Variants in PDHX observed in about 807,000 individuals in gnomAD.
The protein encoded by PDHX is pyruvate dehydrogenase complex component X.
In PDHX, 33 loss-of-function variants were observed where a neutral mutation model predicts 55.3. The ratio of observed to expected loss-of-function variants is 0.60; its 90% CI spans 0.45 to 0.80. The LOEUF (loss-of-function observed/expected upper bound fraction) is 0.80, where lower values mean the gene tolerates loss of function less well. Ranked by LOEUF, PDHX falls within the 30% of genes least tolerant of loss-of-function variation. The pLI, the probability that PDHX is intolerant of heterozygous loss-of-function variation, is 0.00. For synonymous variants in PDHX, 226 were observed against 219.4 expected (o/e 1.03, Z -0.27); for missense variants, 622 against 619.9 (o/e 1.00, Z -0.04).
chr11:34,947,608 TA>T lies in PDHX; in HGVS notation c.342+4del. On this transcript the variant is annotated splice_donor_region_variant and intron_variant, in intron 3 of 10. Coordinates refer to ENST00000227868, the MANE Select transcript of PDHX (RefSeq NM_003477.3). ...GATGGAATCTTGGCCAAAATCGTGG[TA>T]AGTTTTTATTTTAATTTTCTTCAAC... The T allele has an allele frequency of 6.3e-7, 1 of 1,581,052 alleles. No individual in the cohort carries two copies. The highest frequency in any genetic ancestry group is 8.7e-7 in the Non-Finnish European group (1 of 1,149,564).
At chr11:34,957,060 G>T (rs898949777) in intron 3 of PDHX, among the ~76,000 whole-genome samples, 1 of 152,174 alleles carries the variant, frequency 6.6e-6, no homozygotes, top group Non-Finnish European at 1.5e-5. Context: ...CTCCTGTTTG[G>T]ATTTGTATTG....
At chr11:34,961,590 G>C (rs897107504) in intron 5 of PDHX, among the ~76,000 whole-genome samples, 2 of 152,166 alleles carry the variant, frequency 1.3e-5, no homozygotes, top group Non-Finnish European at 2.9e-5. Context: ...GTTGGGCCAG[G>C]CAATGTTTTC....
At chr11:34,979,691 G>A (rs1341492196) in intron 8 of PDHX, among the ~76,000 whole-genome samples, 1 of 151,880 alleles carries the variant, frequency 6.6e-6, no homozygotes, top group African/African-American at 2.4e-5. Context: ...GACTATTATT[G>A]TGATTGATAT....
In PDHX at chr11:34,916,679, C is replaced by G. The variant is rs958383156; in HGVS notation, c.24C>G (p.Gly8=). The change falls in exon 1 of 11, where the codon GGC becomes GGG. Residue 8 remains glycine, a synonymous_variant. Coordinates refer to ENST00000227868, the MANE Select transcript of PDHX (RefSeq NM_003477.3). MAASWRL[G]CDPRLLRYLV... ...AGATGGCGGCCTCCTGGAGGCTGGG[C>G]TGTGATCCGCGGCTGCTGCGTTATC... 3 of 1,611,360 alleles carry G rather than the reference C, an allele frequency of 1.9e-6. No homozygotes were observed. The South Asian group carries it at 3.3e-5, about 18-fold the overall frequency.
chr11:34,990,270 G>A (rs555978530), intron 9 of PDHX, among the ~76,000 whole-genome samples: 1 of 152,270 alleles, frequency 6.6e-6, no homozygotes, highest in South Asian at 2.1e-4. Flanking sequence ...GAAATATTTA[G>A]TGGTCATTTT....
intron 7 of PDHX, among the ~76,000 whole-genome samples, chr11:34,976,500 A>T (rs1390595787): frequency 2.0e-5 from 3 of 152,176 alleles, no homozygotes; most frequent in African/African-American, 7.2e-5. Flanking sequence ...GAGAAGTTGG[A>T]TATACAAGTC....
intron 2 of PDHX, among the ~76,000 whole-genome samples, chr11:34,946,067 T>G (rs1854611763): frequency 6.6e-6 from 1 of 152,194 alleles, no homozygotes; most frequent in South Asian, 2.1e-4. Context: ...CTCTTTTCTG[T>G]TTTTTCGTTT....
At chr11:34,950,281 TCTCAGAG>T (rs1204826075) in intron 3 of PDHX, among the ~76,000 whole-genome samples, 1 of 151,934 alleles carries the variant, frequency 6.6e-6, no homozygotes, top group East Asian at 1.9e-4. Context: ...GAAAATAGCC[TCTCAGAG>T]CTCAGAGCAG....
chr11:34,942,081 C>T lies in PDHX; in HGVS notation c.242-5425C>T, dbSNP rs114083638. Among the ~76,000 whole-genome samples, 518 of 152,334 alleles carry T rather than the reference C, an allele frequency of 3.4e-3. 3 individuals carry two copies. Among genetic ancestry groups the T allele is most frequent in the African/African-American group, 0.012 (492 of 41,578 alleles). On this transcript the variant is annotated intron_variant, in intron 2 of 10. Transcript: ENST00000227868. ...TCTATCCTAGCTGCTGAGTCTTTTC[C>T]ACTCTTCTCCACTTTAAACTCTTTG...
At chr11:34,935,718 C>T (rs1371453533) in intron 2 of PDHX, among the ~76,000 whole-genome samples, 1 of 152,102 alleles carries the variant, frequency 6.6e-6, no homozygotes, top group Admixed American at 6.5e-5. Context: ...GAATGAGTCC[C>T]CCACAGCCAT....
At chr11:34,971,670 T>C (rs1200576275) in intron 7 of PDHX, among the ~76,000 whole-genome samples, 1 of 152,164 alleles carries the variant, frequency 6.6e-6, no homozygotes, top group African/African-American at 2.4e-5. Flanking sequence ...ATTGTTTGAT[T>C]CTGTATCCTA....
intron 1 of PDHX, 151 bp from the exon 2 acceptor site, chr11:34,931,253 T>C (rs1854156994): frequency 3.1e-6 from 2 of 638,042 alleles, no homozygotes; most frequent in East Asian, 2.9e-5. Flanking sequence ...TACAATTTAC[T>C]GGAGACTTAG....
intron 8 of PDHX, among the ~76,000 whole-genome samples, chr11:34,980,996 CT>C (rs888887237): frequency 6.6e-5 from 10 of 151,186 alleles, no homozygotes; most frequent in African/African-American, 9.7e-5. Flanking sequence ...TTGATGAAAT[CT>C]TTTTTTTTAT....
At chr11:34,979,389 C>T (rs1165180434) in intron 8 of PDHX, among the ~76,000 whole-genome samples, 1 of 152,090 alleles carries the variant, frequency 6.6e-6, no homozygotes, top group Non-Finnish European at 1.5e-5. Context: ...CCCAGGCTTC[C>T]TGCCTTCCTG....
intron 2 of PDHX, among the ~76,000 whole-genome samples, chr11:34,940,573 A>G (rs11032939): frequency 0.055 from 8,396 of 152,300 alleles, 379 homozygotes; most frequent in African/African-American, 0.12. Context: ...GGTATAATTT[A>G]CATACCATAA....
At chr11:34,993,989 G>T (rs899377187) in intron 10 of PDHX, among the ~76,000 whole-genome samples, 1 of 152,032 alleles carries the variant, frequency 6.6e-6, no homozygotes, top group African/African-American at 2.4e-5. Flanking sequence ...TTTGTTTTTT[G>T]ATACTATTAT....
intron 1 of PDHX, among the ~76,000 whole-genome samples, chr11:34,925,810 G>C (rs1029604502): frequency 2.6e-5 from 4 of 152,168 alleles, no homozygotes; most frequent in African/African-American, 7.2e-5. Flanking sequence ...GATGCTCAGA[G>C]GTGATGCTCA....
Position 34,966,709 on chromosome 11 carries a change from C to A in PDHX, c.711C>A (p.Pro237=), listed in dbSNP as rs200018992. 1.2e-6 allele frequency: 2 copies of A among 1,614,136 alleles called. No individual in the cohort carries two copies. The highest frequency in any genetic ancestry group is 4.5e-5 in the East Asian group (2 of 44,876). ...CCGAGTCCAGACCAACTCCAGCCCC[C>A]ACAGCCACTCCCACAGCACCTTCGC... ...KITESRPTPA[P]TATPTAPSPL... Residue 237 remains proline (P), a synonymous_variant, in exon 6 of 11, where the codon CCC becomes CCA. Transcript: ENST00000227868.
At chr11:34,971,611 A>T (rs1855259964) in intron 7 of PDHX, among the ~76,000 whole-genome samples, 1 of 152,176 alleles carries the variant, frequency 6.6e-6, no homozygotes, top group Non-Finnish European at 1.5e-5. Context: ...TGTTGAATCA[A>T]CTTTGTATTC....
Sources: gnomAD v4.1 joint callset for allele counts (sites outside exome capture counted in the v4.1 genomes callset) on GRCh38, gnomAD v4.1.1 for gene constraint, MANE v1.5 for transcripts, NCBI Gene and HGNC (gene_info 2026-07-23, HGNC 2026-07-21) for gene names.